KYAT1: variants seen among roughly 807,000 people sequenced by gnomAD.
KYAT1 encodes the protein kynurenine--oxoglutarate transaminase 1.
KYAT1 carries 47 observed loss-of-function variants against 52.4 expected under a neutral mutation model. The ratio of observed to expected loss-of-function variants is 0.90; its 90% confidence interval spans 0.71 to 1.14. The LOEUF (loss-of-function observed/expected upper bound fraction) is 1.14. KYAT1 is among the 50% of genes most tolerant of loss of function. The pLI, the probability that KYAT1 is intolerant of heterozygous loss-of-function variation, is 0.00. For missense variants in KYAT1, 480 were observed against 557.9 expected, an observed-to-expected ratio of 0.86 and a Z score of 1.41; for synonymous variants, 212 against 209.6, an observed-to-expected ratio of 1.01 and a Z score of -0.10.
chr9:128,861,410 G>T (rs866293342), intron 1 of KYAT1, among the ~76,000 whole-genome samples: 1 of 152,166 alleles, frequency 6.6e-6, no homozygotes, highest in South Asian at 2.1e-4. Flanking sequence ...TGAAGAACGT[G>T]TTTGCTTCCC....
chr9:128,880,453 T>G (rs1838665106), intron 1 of KYAT1, among the ~76,000 whole-genome samples: 1 of 152,060 alleles, frequency 6.6e-6, no homozygotes, highest in Non-Finnish European at 1.5e-5. Context: ...TGATTTTTTT[T>G]TTTTTTTAGA....
chr9:128,842,864 G>A (rs1384981051), intron 2 of KYAT1, 63 bp from the exon 3 acceptor site: 18 of 1,539,252 alleles, frequency 1.2e-5, no homozygotes, highest in Non-Finnish European at 1.5e-5. Context: ...ACTTCGGCCT[G>A]TTTAGAAAAA....
At chr9:128,842,392 T>C (rs1192474211) in intron 3 of KYAT1, among the ~76,000 whole-genome samples, 1 of 152,304 alleles carries the variant, frequency 6.6e-6, no homozygotes. Context: ...TCATTCCCTC[T>C]TTCTTACTCG....
intron 3 of KYAT1, 61 bp from the exon 4 acceptor site, chr9:128,838,428 G>C (rs1831536533): frequency 3.1e-6 from 5 of 1,601,790 alleles, no homozygotes; most frequent in Non-Finnish European, 4.3e-6. Flanking sequence ...CGGCCCAGCT[G>C]TATCCAGGCA....
Position 128,874,080 on chromosome 9 carries a change from A to G in KYAT1, c.-7+7817T>C, listed in dbSNP as rs531804177. On this transcript the variant is annotated intron_variant, in intron 1 of 12. Transcript: ENST00000302586. ...AGACCAGCCTGGTCAACATGGTGAA[A>G]CCCCGTCTCTATTAAATACACAAAA... is the stretch of plus-strand genomic sequence containing the variant. Among the ~76,000 whole-genome samples the G allele has an allele frequency of 7.3e-5, 11 of 151,344 alleles. No homozygotes were observed. The South Asian group carries it at 2.1e-3, about 29-fold the overall frequency.
intron 1 of KYAT1, among the ~76,000 whole-genome samples, chr9:128,849,466 A>C (rs1473199221): frequency 6.6e-6 from 1 of 150,494 alleles, no homozygotes; most frequent in African/African-American, 2.4e-5. Context: ...CAAATGAACA[A>C]ATGGTGCTGA....
intron 7 of KYAT1, 115 bp from the exon 8 acceptor site, chr9:128,836,188 A>G: frequency 1.3e-6 from 1 of 749,140 alleles, no homozygotes; most frequent in Non-Finnish European, 2.2e-6. Flanking sequence ...ATTCCTCTAC[A>G]TACTAAGTTA....
At chr9:128,843,072 C>T (rs1250969992) in intron 2 of KYAT1, among the ~76,000 whole-genome samples, 1 of 152,150 alleles carries the variant, frequency 6.6e-6, no homozygotes, top group East Asian at 1.9e-4. Context: ...AAGGCTGAGG[C>T]AGAAGAATCA....
intron 1 of KYAT1, among the ~76,000 whole-genome samples, chr9:128,879,681 C>G (rs1319777377): frequency 6.6e-6 from 1 of 152,222 alleles, no homozygotes; most frequent in African/African-American, 2.4e-5. Flanking sequence ...CCAGCCTCAT[C>G]ATTTCTCCTT....
At chr9:128,866,966 A>G (rs1218981827) in intron 1 of KYAT1, among the ~76,000 whole-genome samples, 1 of 152,100 alleles carries the variant, frequency 6.6e-6, no homozygotes, top group African/African-American at 2.4e-5. Context: ...AATTAGTGAT[A>G]CGTAAATGAA....
intron 1 of KYAT1, among the ~76,000 whole-genome samples, chr9:128,867,163 C>T (rs1836509886): frequency 6.6e-6 from 1 of 152,108 alleles, no homozygotes. Flanking sequence ...TGACTCAACA[C>T]TTCCTCTCCT....
chr9:128,868,181 A>AT (rs36019409), intron 1 of KYAT1, among the ~76,000 whole-genome samples: 14,866 of 142,492 alleles, frequency 0.1, 779 homozygotes, highest in South Asian at 0.18. Flanking sequence ...TGGCCCACTA[A>AT]TTTTTTTTTT....
chr9:128,843,696 G>C (rs888640499), intron 2 of KYAT1, among the ~76,000 whole-genome samples: 1 of 152,118 alleles, frequency 6.6e-6, no homozygotes, highest in African/African-American at 2.4e-5. Context: ...AATCACCTTT[G>C]CATCATCAAC....
At chr9:128,870,454 C>G (rs562295800) in intron 1 of KYAT1, among the ~76,000 whole-genome samples, 2 of 152,034 alleles carry the variant, frequency 1.3e-5, no homozygotes, top group African/African-American at 4.8e-5. Context: ...CTGGGAAACA[C>G]GGCAAAACCT....
chr9:128,833,220 G>A lies in KYAT1; in HGVS notation c.*364C>T. 1 of 357,474 alleles carries A rather than the reference G, an allele frequency of 2.8e-6. No homozygotes were observed. Among genetic ancestry groups the A allele is most frequent in the Non-Finnish European group, 5.2e-6 (1 of 192,730 alleles). 22.1% of individuals were successfully genotyped at this position (357,474 alleles called of 1,614,324 possible). A position where few individuals can be genotyped will look rare whatever the true frequency, so the allele number is the denominator to read the frequency against. On this transcript the variant is annotated 3_prime_UTR_variant, in exon 13 of 13. Coordinates refer to ENST00000302586, the MANE Select transcript of KYAT1 (RefSeq NM_004059.5). ...GCCAAGATGAGCCAGGGAAGGTGAG[G>A]TTATACCTGAGCCTTAGCAGGGGCC...
intron 1 of KYAT1, among the ~76,000 whole-genome samples, chr9:128,854,539 G>C (rs1221360867): frequency 6.6e-6 from 1 of 152,166 alleles, no homozygotes; most frequent in African/African-American, 2.4e-5. Context: ...CGCCGACCTG[G>C]GCCCAGCTAA....
At chr9:128,834,826 T>C (rs1486983150) in intron 11 of KYAT1, among the ~76,000 whole-genome samples, 4 of 90,274 alleles carry the variant, frequency 4.4e-5, no homozygotes, top group East Asian at 3.1e-4. Context: ...AGTGAGACTC[T>C]GTCTCAAAAA....
In KYAT1 at chr9:128,833,581, G is replaced by A. The variant is rs371458352; in HGVS notation, c.*3C>T. ...ATGTCAGGGCCAAGGCGTGACTTCA[G>A]GGCTAGAGTTCCACCTTCCACTTCC... is the stretch of plus-strand genomic sequence containing the variant. On this transcript the variant is annotated 3_prime_UTR_variant, in exon 13 of 13. Coordinates refer to ENST00000302586, the MANE Select transcript of KYAT1 (RefSeq NM_004059.5). 7.4e-6 allele frequency: 12 copies of A among 1,614,030 alleles called. No homozygotes were observed. The African/African-American group carries it at 1.5e-4, about 20-fold the overall frequency.
chr9:128,869,697 G>C (rs1176032441), intron 1 of KYAT1, among the ~76,000 whole-genome samples: 1 of 151,796 alleles, frequency 6.6e-6, no homozygotes, highest in East Asian at 1.9e-4. Flanking sequence ...GCCTTCCAAA[G>C]TGCTTGGATT....
Sources: allele counts gnomAD v4.1 joint callset (sites outside exome capture counted in the v4.1 genomes callset), GRCh38; gene constraint gnomAD v4.1.1; transcripts MANE v1.5; gene names NCBI Gene and HGNC (gene_info 2026-07-23, HGNC 2026-07-21).